The following TLK1 variants were observed in gnomAD, a reference collection of about 807,000 sequenced individuals.
The protein encoded by TLK1 is tousled like kinase 1, also known as serine/threonine-protein kinase tousled-like 1.
Under a neutral mutation model 105.3 loss-of-function variants are expected in TLK1, and 24 were observed. The ratio of observed to expected loss-of-function variants is 0.23; its 90% confidence interval spans 0.17 to 0.32. The LOEUF (loss-of-function observed/expected upper bound fraction) is 0.32. Among genes scored for constraint, TLK1 ranks in the 10% least tolerant of loss-of-function variants. TLK1 has a pLI of 1.00. For missense variants in TLK1, 558 were observed against 910.5 expected (o/e 0.61, Z 4.98); for synonymous variants, 321 against 310.4 (o/e 1.03, Z -0.36).
rs570208920 is a variant in TLK1, at chr2:170,992,774, G to C, written c.*1006C>G. On this transcript the variant is annotated 3_prime_UTR_variant, in exon 21 of 21. Coordinates refer to ENST00000431350, the MANE Select transcript of TLK1 (RefSeq NM_012290.5). The stretch of plus-strand genomic sequence containing the variant: ...AAGCAACATCATTTAGCAGCAATTA[G>C]AGTGCCTTCAAGAAGACTTAAAAAA... 2.6e-5 allele frequency: 4 copies of C among 152,598 alleles called. No homozygotes were observed. Among genetic ancestry groups the C allele is most frequent in the Non-Finnish European group, 5.9e-5 (4 of 67,974 alleles). The allele number at this position is 152,598 out of a possible 1,614,324, so 9.5% of individuals were successfully genotyped here.
intron 11 of TLK1, among the ~76,000 whole-genome samples, chr2:171,040,794 C>A (rs1686638356): frequency 6.6e-6 from 1 of 151,954 alleles, no homozygotes; most frequent in Non-Finnish European, 1.5e-5. Context: ...CCAGGCTGGT[C>A]TCAAACTCCT....
intron 2 of TLK1, among the ~76,000 whole-genome samples, chr2:171,106,483 C>T (rs768820853): frequency 5.9e-5 from 9 of 152,108 alleles, no homozygotes; most frequent in Non-Finnish European, 1.2e-4. Context: ...CAATTAAAAA[C>T]AATAAAAGCA....
chr2:171,225,800 T>C (rs1240036015), intron 1 of TLK1, among the ~76,000 whole-genome samples: 1 of 152,218 alleles, frequency 6.6e-6, no homozygotes, highest in African/African-American at 2.4e-5. Flanking sequence ...CTTTATTTTC[T>C]GAAACAATCT....
intron 1 of TLK1, among the ~76,000 whole-genome samples, chr2:171,192,461 C>A (rs1007887324): frequency 6.6e-6 from 1 of 152,052 alleles, no homozygotes; most frequent in Non-Finnish European, 1.5e-5. Context: ...GGGCGGATCA[C>A]GAGGTCAGGA....
chr2:171,064,489 C>T (rs1385178015), intron 3 of TLK1, among the ~76,000 whole-genome samples: 1 of 152,128 alleles, frequency 6.6e-6, no homozygotes, highest in Non-Finnish European at 1.5e-5. Flanking sequence ...ATATAATGTG[C>T]ACATATTAAA....
chr2:171,175,973 G>A (rs995797779), intron 1 of TLK1, among the ~76,000 whole-genome samples: 1 of 151,700 alleles, frequency 6.6e-6, no homozygotes, highest in African/African-American at 2.4e-5. Context: ...TTTCACTCTT[G>A]TTGCCCAGGC....
intron 2 of TLK1, among the ~76,000 whole-genome samples, chr2:171,115,228 A>G (rs937593239): frequency 2.1e-5 from 3 of 140,700 alleles, no homozygotes; most frequent in Non-Finnish European, 3.0e-5. Flanking sequence ...CTGGAGTGCA[A>G]TGGCGCCATC....
At chr2:171,084,279 G>A (rs193193347) in intron 2 of TLK1, among the ~76,000 whole-genome samples, 1 of 152,292 alleles carries the variant, frequency 6.6e-6, no homozygotes, top group African/African-American at 2.4e-5. Context: ...TGACTAAGTG[G>A]GAGGAGTCCA....
chr2:171,182,257 A>AT (rs1335408111), intron 1 of TLK1, among the ~76,000 whole-genome samples: 93 of 152,348 alleles, frequency 6.1e-4, no homozygotes, highest in African/African-American at 2.2e-3. Flanking sequence ...GAGGAAGAGA[A>AT]TTTTACACGG....
At chr2:171,218,469 C>A (rs939284738) in intron 1 of TLK1, among the ~76,000 whole-genome samples, 1 of 152,184 alleles carries the variant, frequency 6.6e-6, no homozygotes, top group African/African-American at 2.4e-5. Flanking sequence ...ATGTACTTAA[C>A]ACTACTGTAC....
intron 14 of TLK1, among the ~76,000 whole-genome samples, chr2:171,008,515 C>T (rs765161616): frequency 1.3e-5 from 2 of 152,116 alleles, no homozygotes; most frequent in Non-Finnish European, 2.9e-5. Flanking sequence ...TCAGAGTATA[C>T]TGATTATAAT....
chr2:171,053,979 T>A (rs1212163761), intron 7 of TLK1, 126 bp from the exon 8 acceptor site: 4 of 691,938 alleles, frequency 5.8e-6, no homozygotes, highest in Non-Finnish European at 8.9e-6. Flanking sequence ...GTAAAGTGAA[T>A]CTCAAAAAGT....
In TLK1 at chr2:171,147,517, C is replaced by T. The variant is rs373630314; in HGVS notation, c.139+12773G>A. Among the ~76,000 whole-genome samples, 120 of 152,328 alleles carry T rather than the reference C, an allele frequency of 7.9e-4. 1 individual carries two copies. In the South Asian group the frequency reaches 0.024, roughly 30 times the overall value. On this transcript the variant is annotated intron_variant, in intron 1 of 20. Coordinates refer to ENST00000431350, the MANE Select transcript of TLK1 (RefSeq NM_012290.5). ...TCAGCCTCCCAAGTAGCTGGGACTACAGGCATGCTCCACTGCACCTGGCTT... is the reference window on the plus strand; with the variant it reads ...TCAGCCTCCCAAGTAGCTGGGACTATAGGCATGCTCCACTGCACCTGGCTT...
intron 2 of TLK1, among the ~76,000 whole-genome samples, chr2:171,099,211 A>G (rs899667336): frequency 2.0e-5 from 3 of 152,232 alleles, no homozygotes; most frequent in African/African-American, 4.8e-5. Context: ...TATATCTATA[A>G]AACAGCAAAG....
intron 1 of TLK1, among the ~76,000 whole-genome samples, chr2:171,127,804 T>C (rs1690931845): frequency 6.6e-6 from 1 of 151,032 alleles, no homozygotes; most frequent in South Asian, 2.1e-4. Context: ...TTTTGTACTT[T>C]ATTCACTAAA....
At chr2:171,084,229 G>A (rs1381885770) in intron 2 of TLK1, among the ~76,000 whole-genome samples, 2 of 152,052 alleles carry the variant, frequency 1.3e-5, no homozygotes, top group Non-Finnish European at 2.9e-5. Context: ...ACAGAAGCTA[G>A]GTTAACTTAA....
At chr2:171,187,057 CAAAAAA>C (rs71013019) in intron 1 of TLK1, among the ~76,000 whole-genome samples, 539 of 33,968 alleles carry the variant, frequency 0.016, 1 homozygote, top group African/African-American at 0.054. Context: ...GACTCTGTCT[CAAAAAA>C]AAAAAAAAAA....
intron 1 of TLK1, among the ~76,000 whole-genome samples, chr2:171,194,678 G>T (rs558908862): frequency 6.6e-6 from 1 of 150,610 alleles, no homozygotes; most frequent in Admixed American, 6.6e-5. Flanking sequence ...TTAGCCGGGC[G>T]TGGTAGCGGG....
At chr2:171,040,011 A>G (rs148322902) in intron 11 of TLK1, among the ~76,000 whole-genome samples, 106 of 152,324 alleles carry the variant, frequency 7.0e-4, no homozygotes, top group African/African-American at 2.4e-3. Context: ...ATGCAAGACA[A>G]TAATGATGTC....
Sources: allele counts gnomAD v4.1 joint callset (sites outside exome capture counted in the v4.1 genomes callset), GRCh38; gene constraint gnomAD v4.1.1; transcripts MANE v1.5; gene names NCBI Gene and HGNC (gene_info 2026-07-23, HGNC 2026-07-21).